RIC1: variants seen among roughly 807,000 people sequenced by gnomAD.
The protein encoded by RIC1 is guanine nucleotide exchange factor subunit RIC1.
In RIC1, 88 loss-of-function variants were observed where a neutral mutation model predicts 169.0. The ratio of observed to expected loss-of-function variants is 0.52; its 90% CI spans 0.44 to 0.62. The LOEUF (loss-of-function observed/expected upper bound fraction) is 0.62. Ranked by LOEUF, RIC1 falls within the 20% of genes least tolerant of loss-of-function variation. The pLI is 0.00. For synonymous variants in RIC1, 790 were observed against 601.5 expected, an observed-to-expected ratio of 1.31 and a Z score of -4.59; for missense variants, 1,877 against 1,725.5, an observed-to-expected ratio of 1.09 and a Z score of -1.56.
chr9:5,715,059 A>G (rs762998921), intron 4 of RIC1, among the ~76,000 whole-genome samples: 2 of 152,212 alleles, frequency 1.3e-5, no homozygotes, highest in Admixed American at 6.5e-5. Flanking sequence ...TCCCCTTCAT[A>G]TCTTATTCTC....
At position 5,772,620 on chromosome 9, in the gene RIC1, G is replaced by T; in HGVS notation, c.3673G>T (p.Asp1225Tyr). The T allele has an allele frequency of 6.2e-7, 1 of 1,613,950 alleles. No homozygotes were observed. Among genetic ancestry groups the T allele is most frequent in the Non-Finnish European group, 8.5e-7 (1 of 1,179,868 alleles). The part of the protein sequence containing the change: ...TDLTESSSMV[D>Y]GDWTMVDENF... ...CTTGACTGAAAGTAGCTCCATGGTG[G>T]ATGGCGACTGGACAATGGTGGATGA... Residue 1225 changes from aspartate (D) to tyrosine (Y), a missense_variant, in exon 24 of 26, where the codon GAT becomes TAT. Asp to Tyr is a radical substitution (Grantham distance 160). Transcript: ENST00000414202.
intron 2 of RIC1, among the ~76,000 whole-genome samples, chr9:5,676,991 T>C (rs532987438): frequency 6.6e-6 from 1 of 152,374 alleles, no homozygotes; most frequent in East Asian, 1.9e-4. Flanking sequence ...TGAACATTGA[T>C]GTACAAGTCT....
chr9:5,665,369 C>A (rs1156715770), intron 2 of RIC1, among the ~76,000 whole-genome samples: 3 of 152,168 alleles, frequency 2.0e-5, no homozygotes, highest in Non-Finnish European at 1.5e-5. Context: ...TCTTACTTTG[C>A]ATTGGGTTAA....
At chr9:5,646,616 T>C (rs1331066997) in intron 1 of RIC1, among the ~76,000 whole-genome samples, 1 of 152,186 alleles carries the variant, frequency 6.6e-6, no homozygotes, top group South Asian at 2.1e-4. Flanking sequence ...AGCCAAGGTG[T>C]GTAGTAGGCC....
intron 3 of RIC1, among the ~76,000 whole-genome samples, chr9:5,700,086 A>G (rs1488210730): frequency 6.6e-6 from 1 of 151,096 alleles, no homozygotes; most frequent in African/African-American, 2.4e-5. Context: ...GTCCCCACCC[A>G]ACCCCACCAA....
chr9:5,762,739 G>A, intron 18 of RIC1, 79 bp downstream of exon 18: 1 of 1,495,580 alleles, frequency 6.7e-7, no homozygotes, highest in Non-Finnish European at 9.0e-7. Flanking sequence ...CAATTTAAGA[G>A]AAGAGTATTT....
downstream of RIC1, among the ~76,000 whole-genome samples, chr9:5,777,706 T>G (rs1187159883): frequency 2.6e-5 from 4 of 152,306 alleles, no homozygotes; most frequent in African/African-American, 9.6e-5. Flanking sequence ...ACTTCGTTCT[T>G]CTAACGTGGC....
Position 5,765,777 on chromosome 9 carries a change from C to A in RIC1, c.3116C>A (p.Pro1039Gln), listed in dbSNP as rs1241381297. ...KFSLQKTLSM[P>Q]SGPSGKRWSK... ...AGTTTACAGAAAACACTAAGTATGC[C>A]ATCTGGTCCCTCTGGAAAAAGGTAA... Residue 1039 changes from proline to glutamine, a missense_variant, in exon 21 of 26, where the codon CCA becomes CAA. Transcript: ENST00000414202. 3.1e-6 allele frequency: 5 copies of A among 1,613,962 alleles called. No individual in the cohort carries two copies. Among genetic ancestry groups the A allele is most frequent in the Non-Finnish European group, 3.4e-6 (4 of 1,179,984 alleles).
At chr9:5,753,105 G>C in intron 12 of RIC1, 95 bp from the exon 13 acceptor site, 1 of 1,132,424 alleles carries the variant, frequency 8.8e-7, no homozygotes, top group Non-Finnish European at 1.3e-6. Context: ...CTTAAACATT[G>C]TTCGGCAAGA....
intron 3 of RIC1, among the ~76,000 whole-genome samples, chr9:5,709,518 A>T (rs965843986): frequency 6.6e-6 from 1 of 152,162 alleles, no homozygotes; most frequent in Non-Finnish European, 1.5e-5. Flanking sequence ...GTCTCAAAAG[A>T]TTACAAATGA....
chr9:5,771,120 G>A (rs185574692), intron 23 of RIC1, among the ~76,000 whole-genome samples: 3 of 152,306 alleles, frequency 2.0e-5, no homozygotes, highest in East Asian at 1.9e-4. Flanking sequence ...AGAGTTTGTA[G>A]TGTTAATTAT....
chr9:5,728,401 A>G (rs901247910), intron 6 of RIC1, among the ~76,000 whole-genome samples: 6 of 152,244 alleles, frequency 3.9e-5, no homozygotes, highest in African/African-American at 1.2e-4. Context: ...AAAGCGCAGT[A>G]TTAGGGTGGG....
At chr9:5,741,344 C>T (rs1216505467) in intron 8 of RIC1, among the ~76,000 whole-genome samples, 1 of 152,130 alleles carries the variant, frequency 6.6e-6, no homozygotes, top group Non-Finnish European at 1.5e-5. Flanking sequence ...GAGACTTAGG[C>T]TTGCTGGATG....
chr9:5,748,636 C>G (rs1437042804), intron 12 of RIC1: 2 of 152,646 alleles, frequency 1.3e-5, no homozygotes, highest in Non-Finnish European at 2.9e-5. Context: ...TCATTCTACA[C>G]TGACCTAGCA....
intron 1 of RIC1, among the ~76,000 whole-genome samples, chr9:5,646,130 A>G (rs947523347): frequency 4.6e-5 from 7 of 152,016 alleles, no homozygotes; most frequent in African/African-American, 9.7e-5. Context: ...ATTGGGTCCA[A>G]TGTGGTATGT....
Position 5,763,371 on chromosome 9 carries a change from C to G in RIC1, c.2344C>G (p.Leu782Val), listed in dbSNP as rs1001186704. Reference sequence around the variant, plus strand: ...CATCAACATTTACCCGCTAGCTGTTCTGTTTGAAGATGCTTTAGTCCTTGG... The same window carrying G: ...CATCAACATTTACCCGCTAGCTGTTGTGTTTGAAGATGCTTTAGTCCTTGG... ...FHINIYPLAV[L>V]FEDALVLGAV... The change falls in exon 19 of 26, where the codon CTG (leucine) becomes GTG (valine). Residue 782 changes from leucine (L) to valine (V), a missense_variant. Leu to Val is a conservative substitution (Grantham distance 32, BLOSUM62 1). Around this residue, in one of 3 missense-constraint regions of RIC1, gnomAD observed 1,104 missense variants for 992.0 expected, o/e 1.11. Coordinates refer to ENST00000414202, the MANE Select transcript of RIC1 (RefSeq NM_020829.4). The surrounding 1 kb of genome is among the most constrained non-coding windows in gnomAD (Gnocchi z 5.2). 2 of 1,614,148 alleles carry G rather than the reference C, an allele frequency of 1.2e-6. No individual in the cohort carries two copies. The highest frequency in any genetic ancestry group is 1.7e-6 in the Non-Finnish European group (2 of 1,180,034).
intron 13 of RIC1, 113 bp from the exon 14 acceptor site, chr9:5,753,423 T>G: frequency 1.2e-6 from 1 of 820,780 alleles, no homozygotes; most frequent in Admixed American, 2.7e-5. Context: ...TTAAAATATT[T>G]AATTAGCAAA....
intron 6 of RIC1, among the ~76,000 whole-genome samples, chr9:5,724,478 C>G (rs1467303441): frequency 6.6e-6 from 1 of 152,200 alleles, no homozygotes; most frequent in African/African-American, 2.4e-5. Flanking sequence ...ATGGAGTTTT[C>G]TAGATATACA....
intron 12 of RIC1, chr9:5,748,569 C>G (rs963118149): frequency 6.6e-6 from 1 of 152,630 alleles, no homozygotes; most frequent in East Asian, 1.9e-4. Flanking sequence ...TTCCACTGCT[C>G]CCTTCTCTCC....
Sources: gnomAD v4.1 joint callset for allele counts (sites outside exome capture counted in the v4.1 genomes callset) on GRCh38, gnomAD v4.1.1 for gene constraint, gnomAD v4.1.1 regional missense constraint, Gnocchi (gnomAD v3.1) non-coding constraint, MANE v1.5 for transcripts, NCBI Gene and HGNC (gene_info 2026-07-23, HGNC 2026-07-21) for gene names.